Variants in KDM4C observed in about 807,000 individuals in gnomAD.
The protein encoded by KDM4C is lysine-specific demethylase 4C.
KDM4C carries 81 observed loss-of-function variants against 129.3 expected under a neutral mutation model. The observed-to-expected ratio is 0.63, with a 90% confidence interval of 0.52 to 0.75. KDM4C has a LOEUF of 0.75. Among genes scored for constraint, KDM4C ranks in the 30% least tolerant of loss-of-function variants. The pLI is 0.00. For synonymous variants in KDM4C, 573 were observed against 456.1 expected, an observed-to-expected ratio of 1.26 and a Z score of -3.26; for missense variants, 1,457 against 1,304.0, an observed-to-expected ratio of 1.12 and a Z score of -1.81.
chr9:6,980,849 T>TG, intron 8 of KDM4C, 76 bp from the exon 9 acceptor site: 1 of 1,217,722 alleles, frequency 8.2e-7, no homozygotes, highest in Non-Finnish European at 1.2e-6. Flanking sequence ...TCATGGATGA[T>TG]GTGTTCAAGG....
rs570368697 is a variant in KDM4C at position 6,835,207 on chromosome 9, G to T, written c.436-14300G>T. 2.7e-5 allele frequency: 25 copies of T among 918,958 alleles called. No individual in the cohort carries two copies. The African/African-American group carries it at 3.7e-4, about 14-fold the overall frequency. 56.9% of individuals were successfully genotyped at this position (918,958 alleles called of 1,614,324 possible). A position where few individuals can be genotyped will look rare whatever the true frequency, so the allele number is the denominator to read the frequency against. ...CGGCCAGGTCATCACCATCGGCAAC[G>T]AGCAGTTCTGCTGCCCTGAGGCACT... On this transcript the variant is annotated intron_variant, in intron 4 of 21. Coordinates refer to ENST00000381309, the MANE Select transcript of KDM4C (RefSeq NM_015061.6).
intron 1 of KDM4C, among the ~76,000 whole-genome samples, chr9:6,750,833 G>A (rs1296992187): frequency 1.3e-5 from 2 of 152,166 alleles, no homozygotes; most frequent in Non-Finnish European, 2.9e-5. Flanking sequence ...CTATTCTCTG[G>A]GTTAGCTGAC....
intron 8 of KDM4C, among the ~76,000 whole-genome samples, chr9:6,964,074 T>G (rs1830480260): frequency 6.6e-6 from 1 of 152,232 alleles, no homozygotes; most frequent in African/African-American, 2.4e-5. Context: ...CTTTGCTTTC[T>G]TTATTGTCAT....
intron 2 of KDM4C, among the ~76,000 whole-genome samples, chr9:6,799,025 C>T (rs1828369969): frequency 6.6e-6 from 1 of 150,446 alleles, no homozygotes; most frequent in South Asian, 2.1e-4. Flanking sequence ...GGAAGAGGCG[C>T]TCCTCACTTC....
chr9:6,896,475 A>G (rs1408552991), intron 8 of KDM4C, among the ~76,000 whole-genome samples: 1 of 140,066 alleles, frequency 7.1e-6, no homozygotes, highest in African/African-American at 2.6e-5. Context: ...ACTATGAAAT[A>G]TATATATATA....
chr9:6,859,084 G>C (rs1337419402), intron 5 of KDM4C, among the ~76,000 whole-genome samples: 1 of 151,964 alleles, frequency 6.6e-6, no homozygotes, highest in Non-Finnish European at 1.5e-5. Flanking sequence ...TAGTTAGTAG[G>C]GTTTGAACAA....
At chr9:6,792,861 A>T in intron 1 of KDM4C, 111 bp from the exon 2 acceptor site, 1 of 1,043,558 alleles carries the variant, frequency 9.6e-7, no homozygotes, top group Non-Finnish European at 1.4e-6. Flanking sequence ...AGGGAATGGG[A>T]AGTGACTGAA....
intron 15 of KDM4C, among the ~76,000 whole-genome samples, chr9:7,040,401 G>A (rs1023759425): frequency 2.6e-5 from 3 of 114,708 alleles, no homozygotes; most frequent in Admixed American, 1.9e-4. Flanking sequence ...GTGTGTGTGT[G>A]TGTGCGTGTG....
chr9:7,169,983 C>G, intron 21 of KDM4C, 93 bp downstream of exon 21: 4 of 1,585,874 alleles, frequency 2.5e-6, no homozygotes, highest in Non-Finnish European at 2.6e-6. Flanking sequence ...CATACTTGGG[C>G]TTTTGGATTA....
chr9:6,856,747 AT>A (rs781673639), intron 5 of KDM4C, among the ~76,000 whole-genome samples: 5,152 of 104,240 alleles, frequency 0.049, 70 homozygotes, highest in South Asian at 0.14. Context: ...TAATTTTTGT[AT>A]TTTTTTTTTT....
At chr9:6,860,608 T>C (rs564422132) in intron 5 of KDM4C, among the ~76,000 whole-genome samples, 2 of 152,274 alleles carry the variant, frequency 1.3e-5, no homozygotes, top group Admixed American at 1.3e-4. Flanking sequence ...CCTGCAATCC[T>C]AAAATAAAAG....
chr9:6,985,464 T>G (rs1428964605), intron 10 of KDM4C, among the ~76,000 whole-genome samples: 1 of 151,980 alleles, frequency 6.6e-6, no homozygotes, highest in Non-Finnish European at 1.5e-5. Flanking sequence ...ATGTGGTAAG[T>G]AGCATTATAG....
chr9:6,879,427 TAAATA>T (rs1844100276), intron 5 of KDM4C, among the ~76,000 whole-genome samples: 1 of 152,124 alleles, frequency 6.6e-6, no homozygotes, highest in African/African-American at 2.4e-5. Context: ...AATTATGAAA[TAAATA>T]AAACTTTTTT....
intron 6 of KDM4C, among the ~76,000 whole-genome samples, chr9:6,886,696 G>A (rs1381366568): frequency 3.3e-5 from 5 of 152,014 alleles, no homozygotes; most frequent in Non-Finnish European, 5.9e-5. Context: ...GTTTTACCAT[G>A]TTGGCCAGGC....
chr9:6,974,104 T>TCCAACAAGTCAGTTAGCATTTTTGTG (rs1283982364), intron 8 of KDM4C, among the ~76,000 whole-genome samples: 6 of 152,216 alleles, frequency 3.9e-5, no homozygotes, highest in African/African-American at 1.4e-4. Flanking sequence ...CCTTGTGACA[T>TCCAACAAGTCAGTTAGCATTTTTGTG]CCAACAAGTC....
At chr9:6,753,592 G>A (rs995822023), upstream of KDM4C, among the ~76,000 whole-genome samples, 6 of 152,048 alleles carry the variant, frequency 3.9e-5, no homozygotes, top group Non-Finnish European at 8.8e-5. Context: ...AATTTATAAT[G>A]AACAGAAGTT....
At chr9:7,094,873 G>A (rs1294955242) in intron 17 of KDM4C, among the ~76,000 whole-genome samples, 1 of 152,176 alleles carries the variant, frequency 6.6e-6, no homozygotes, top group Non-Finnish European at 1.5e-5. Flanking sequence ...GCAGGTCACA[G>A]ACAGAACAAT....
At chr9:6,919,694 G>T (rs1821121982) in intron 8 of KDM4C, among the ~76,000 whole-genome samples, 1 of 151,704 alleles carries the variant, frequency 6.6e-6, no homozygotes, top group East Asian at 1.9e-4. Context: ...TCTTGCTTCA[G>T]CCTCCGGAGT....
intron 9 of KDM4C, among the ~76,000 whole-genome samples, chr9:6,981,592 A>C (rs1345046797): frequency 6.6e-6 from 1 of 152,166 alleles, no homozygotes; most frequent in Non-Finnish European, 1.5e-5. Context: ...CTTTTGTAAG[A>C]TGTAAAACAC....
Sources: gnomAD v4.1 joint callset for allele counts (sites outside exome capture counted in the v4.1 genomes callset) on GRCh38, gnomAD v4.1.1 for gene constraint, MANE v1.5 for transcripts, NCBI Gene and HGNC (gene_info 2026-07-23, HGNC 2026-07-21) for gene names.